The following TM6SF1 variants were observed in gnomAD, a reference collection of about 807,000 sequenced individuals.
The protein encoded by TM6SF1 is transmembrane 6 superfamily member 1.
In TM6SF1, 43 loss-of-function variants were observed where a neutral mutation model predicts 47.1. The observed-to-expected ratio is 0.91, with a 90% CI of 0.72 to 1.18. The LOEUF (loss-of-function observed/expected upper bound fraction) is 1.18. TM6SF1 is among the 50% of genes most tolerant of loss of function. The pLI is 0.00. For missense variants in TM6SF1, 390 were observed against 449.0 expected, an observed-to-expected ratio of 0.87 and a Z score of 1.19; for synonymous variants, 177 against 166.3, an observed-to-expected ratio of 1.06 and a Z score of -0.49.
chr15:83,115,283 A>C (rs901664615), intron 2 of TM6SF1: 4 of 218,482 alleles, frequency 1.8e-5, no homozygotes, highest in Non-Finnish European at 2.8e-5. Flanking sequence ...ACACCCAGAA[A>C]ATTTTTGTAT....
chr15:83,130,150 A>C (rs2036119411), intron 9 of TM6SF1: 1 of 152,286 alleles, frequency 6.6e-6, no homozygotes. Flanking sequence ...GGACCTGGTC[A>C]AGTCTCAGGA....
intron 4 of TM6SF1, 104 bp from the exon 5 acceptor site, chr15:83,121,817 G>A: frequency 1.2e-6 from 1 of 823,504 alleles, no homozygotes; most frequent in Non-Finnish European, 2.0e-6. Flanking sequence ...TTTGATTGAT[G>A]TACTTTACTA....
rs2033798704 is a variant in TM6SF1 at position 83,107,807 on chromosome 15, G to A, written c.92+35G>A. On this transcript the variant is annotated intron_variant, in intron 1 of 9. Coordinates refer to ENST00000322019, the MANE Select transcript of TM6SF1 (RefSeq NM_023003.5). This position sits in a 1 kb window ranked among gnomAD's most constrained non-coding sequence, Gnocchi z 5.6. ...CCGGCGCGGCGGGGGTCGCGCCGAG[G>A]GGCGGCGGGAGTTGGCTCGCCGCGA... 3.2e-6 allele frequency: 5 copies of A among 1,555,388 alleles called. No homozygotes were observed. Among genetic ancestry groups the A allele is most frequent in the East Asian group, 2.6e-5 (1 of 38,874 alleles).
intron 7 of TM6SF1, 52 bp downstream of exon 7, chr15:83,124,828 C>A: frequency 7.1e-7 from 1 of 1,401,500 alleles, no homozygotes; most frequent in South Asian, 1.2e-5. Flanking sequence ...CTCACATTTC[C>A]AAATGGAAAA....
intron 7 of TM6SF1, among the ~76,000 whole-genome samples, chr15:83,125,332 C>T (rs1707952461): frequency 6.6e-6 from 1 of 152,100 alleles, no homozygotes; most frequent in Non-Finnish European, 1.5e-5. Flanking sequence ...TTCATGTTTT[C>T]TATTTTCTCT....
In TM6SF1 at chr15:83,126,105, G is replaced by C. The variant is rs550483768; in HGVS notation, c.709-650G>C. Among the ~76,000 whole-genome samples, 98 of 152,258 alleles carry C rather than the reference G, an allele frequency of 6.4e-4. 1 individual carries two copies. The highest frequency in any genetic ancestry group is 2.2e-3 in the African/African-American group (91 of 41,534). On this transcript the variant is annotated intron_variant, in intron 7 of 9. Transcript: ENST00000322019. ...ATGTGTGGGGGTGCATGCAAGGTGGGTAGGGCTTTTGGATTGGGGCCATTT... is the reference window on the plus strand; with the variant it reads ...ATGTGTGGGGGTGCATGCAAGGTGGCTAGGGCTTTTGGATTGGGGCCATTT...
At chr15:83,119,407 C>T (rs999702949) in intron 3 of TM6SF1, among the ~76,000 whole-genome samples, 171 bp from the exon 4 acceptor site, 2 of 152,222 alleles carry the variant, frequency 1.3e-5, no homozygotes, top group African/African-American at 4.8e-5. Context: ...GTTTTGGCAG[C>T]TCCAGCGTAA....
At chr15:83,119,461 A>T in intron 3 of TM6SF1, 117 bp from the exon 4 acceptor site, 1 of 1,060,180 alleles carries the variant, frequency 9.4e-7, no homozygotes, top group South Asian at 1.5e-5. Flanking sequence ...AAATAGTTTC[A>T]TCTTAGCAGA....
chr15:83,134,781 G>A (rs1050950612), intron 9 of TM6SF1: 5 of 152,218 alleles, frequency 3.3e-5, no homozygotes, highest in African/African-American at 1.2e-4. Context: ...GATCAAATGT[G>A]GCTTCCAGTC....
chr15:83,128,508 C>G (rs1454697271), intron 9 of TM6SF1: 1 of 152,162 alleles, frequency 6.6e-6, no homozygotes. Flanking sequence ...ATTCCTCAGT[C>G]CTTGGGGTTT....
At position 83,133,389 on chromosome 15, in the gene TM6SF1, A is replaced by G. The variant is rs565703485; in HGVS notation, c.922-3092A>G. ...ATTAACTTTTTTAGTTATCCTTTAC[A>G]GATTGTCTCTATACATGTAAGAAAA... On this transcript the variant is annotated intron_variant, in intron 9 of 9. Transcript: ENST00000322019. 3.3e-5 allele frequency: 5 copies of G among 152,362 alleles called. No homozygotes were observed. The East Asian group carries it at 7.7e-4, about 23-fold the overall frequency. 9.4% of individuals were successfully genotyped at this position (152,362 alleles called of 1,614,324 possible).
intron 9 of TM6SF1, chr15:83,127,878 A>G (rs1314428861): frequency 1.4e-5 from 3 of 210,150 alleles, no homozygotes; most frequent in Non-Finnish European, 2.8e-5. Flanking sequence ...CCACTACGCT[A>G]TGCTATACAG....
At chr15:83,131,963 G>C (rs2036284613) in intron 9 of TM6SF1, 1 of 152,144 alleles carries the variant, frequency 6.6e-6, no homozygotes, top group Non-Finnish European at 1.5e-5. Context: ...ATGAAAAAAA[G>C]CCAAAGCCAG....
In TM6SF1 at chr15:83,119,674, G is replaced by T. The variant is rs1227474395; in HGVS notation, c.391G>T (p.Ala131Ser). The T allele has an allele frequency of 2.5e-6, 4 of 1,614,068 alleles. No individual in the cohort carries two copies. The African/African-American group carries it at 5.3e-5, about 22-fold the overall frequency. The change falls in exon 4 of 10, where the codon GCA (alanine) becomes TCA (serine). Residue 131 changes from alanine to serine, a missense_variant. Ala to Ser is a moderately conservative substitution (Grantham distance 99). Transcript: ENST00000322019. ...LMYLVMVAAI[A>S]WEETYRTIGL... is the part of the protein sequence containing the mutation. ...GTACCTGGTGATGGTGGCAGCCATA[G>T]CATGGGAGTAAGTCAGTTCACCTGG...
At chr15:83,108,806 C>T (rs1395546263) in intron 1 of TM6SF1, among the ~76,000 whole-genome samples, 2 of 152,234 alleles carry the variant, frequency 1.3e-5, no homozygotes, top group Non-Finnish European at 2.9e-5. Flanking sequence ...TTCCTCCTCT[C>T]CAGCTGCCTG....
At chr15:83,110,903 C>G (rs1033916938) in intron 1 of TM6SF1, among the ~76,000 whole-genome samples, 1 of 152,186 alleles carries the variant, frequency 6.6e-6, no homozygotes, top group African/African-American at 2.4e-5. Flanking sequence ...CGGACTCTTG[C>G]TCTGTCATCC....
Position 83,122,755 on chromosome 15 carries a change from AG to A in TM6SF1, c.483del. 2 of 1,613,022 alleles carry A rather than the reference AG, an allele frequency of 1.2e-6. No individual in the cohort carries two copies. Among genetic ancestry groups the A allele is most frequent in the Non-Finnish European group, 1.7e-6 (2 of 1,179,738 alleles). On this transcript the variant is annotated splice_acceptor_variant, in intron 5 of 9. Coordinates refer to ENST00000322019, the MANE Select transcript of TM6SF1 (RefSeq NM_023003.5). LOFTEE classifies it high-confidence loss of function. The stretch of plus-strand genomic sequence containing the variant: ...TTCTTTCTCTTTCTCTCTTTTAAAT[AG>A]GGAAGTATGGAACACGAATTTGCCC...
At position 83,107,918 on chromosome 15, in the gene TM6SF1, C is replaced by G; in HGVS notation, c.92+146C>G. 7.7e-7 allele frequency: 1 copy of G among 1,305,918 alleles called. No individual in the cohort carries two copies. The highest frequency in any genetic ancestry group is 9.7e-7 in the Non-Finnish European group (1 of 1,026,286). The allele number at this position is 1,305,918 out of a possible 1,614,324, so 80.9% of individuals were successfully genotyped here. On this transcript the variant is annotated intron_variant, in intron 1 of 9. Coordinates refer to ENST00000322019, the MANE Select transcript of TM6SF1 (RefSeq NM_023003.5). This position sits in a 1 kb window ranked among gnomAD's most constrained non-coding sequence, Gnocchi z 5.6. ...GGCCGCAGGGGCTCCCCGCGCCTGGCCAGACTAGGGGGGCGCCCCAGGGGT... is the reference window on the plus strand; with the variant it reads ...GGCCGCAGGGGCTCCCCGCGCCTGGGCAGACTAGGGGGGCGCCCCAGGGGT...
intron 1 of TM6SF1, among the ~76,000 whole-genome samples, chr15:83,108,193 T>C (rs1213834229): frequency 6.6e-6 from 1 of 152,222 alleles, no homozygotes; most frequent in Non-Finnish European, 1.5e-5. Flanking sequence ...GACTTTCGCA[T>C]ACTTATCATT....
Sources: allele counts gnomAD v4.1 joint callset (sites outside exome capture counted in the v4.1 genomes callset), GRCh38; gene constraint gnomAD v4.1.1; non-coding constraint Gnocchi (gnomAD v3.1); transcripts MANE v1.5; gene names NCBI Gene and HGNC (gene_info 2026-07-23, HGNC 2026-07-21).